Variants in SCLT1 observed in about 807,000 individuals in gnomAD.
The protein encoded by SCLT1 is sodium channel and clathrin linker 1.
In SCLT1, 78 loss-of-function variants were observed where a neutral mutation model predicts 112.8. The observed-to-expected ratio is 0.69, with a 90% CI of 0.58 to 0.83. SCLT1 has a LOEUF of 0.83. Ranked by LOEUF, SCLT1 falls within the 40% of genes least tolerant of loss-of-function variation. The pLI, the probability that SCLT1 is intolerant of heterozygous loss-of-function variation, is 0.00. For missense variants in SCLT1, 747 were observed against 770.4 expected (o/e 0.97, Z 0.36); for synonymous variants, 257 against 254.7 (o/e 1.01, Z -0.09).
intron 5 of SCLT1, among the ~76,000 whole-genome samples, chr4:129,026,985 C>A (rs1277227866): frequency 2.0e-5 from 3 of 152,240 alleles, no homozygotes; most frequent in South Asian, 4.2e-4. Context: ...CATACACCCT[C>A]CCAAGACTAA....
chr4:128,920,032 C>CT (rs1425080908), intron 18 of SCLT1, among the ~76,000 whole-genome samples: 2 of 152,124 alleles, frequency 1.3e-5, no homozygotes, highest in South Asian at 2.1e-4. Flanking sequence ...AGGGACTTCT[C>CT]TTTAACTCAT....
intron 2 of SCLT1, among the ~76,000 whole-genome samples, chr4:129,060,716 TCAC>T (rs1260803541): frequency 1.3e-5 from 2 of 152,304 alleles, no homozygotes; most frequent in East Asian, 3.9e-4. Context: ...ATATTTAATT[TCAC>T]CACAATAGGG....
At position 129,075,282 on chromosome 4, in the gene SCLT1, G is replaced by C. The variant is rs11938587; in HGVS notation, c.102+7024C>G. On this transcript the variant is annotated intron_variant, in intron 2 of 20. Coordinates refer to ENST00000281142, the MANE Select transcript of SCLT1 (RefSeq NM_144643.4). The stretch of plus-strand genomic sequence containing the variant: ...TACAGGTTGGCTAGCATTTTGGGAA[G>C]ATGTTCCTGTACATTTTAAAGGACT... Among the ~76,000 whole-genome samples, 1,208 of 152,242 alleles carry C rather than the reference G, an allele frequency of 7.9e-3. 14 individuals are homozygous for C. The highest frequency in any genetic ancestry group is 0.028 in the African/African-American group (1,158 of 41,554).
chr4:128,918,147 C>T lies in SCLT1; in HGVS notation c.1829+18508G>A, dbSNP rs1007925894. On this transcript the variant is annotated intron_variant, in intron 18 of 20. Transcript: ENST00000281142. ...CAAAGGCAAAGATTCTCTATGGAAGCTTTACAACAAAAATTTTCAATGGCA... is the reference window on the plus strand; with the variant it reads ...CAAAGGCAAAGATTCTCTATGGAAGTTTTACAACAAAAATTTTCAATGGCA... Among the ~76,000 whole-genome samples, 12 of 152,204 alleles carry T rather than the reference C, an allele frequency of 7.9e-5. No individual in the cohort carries two copies. In the South Asian group the frequency reaches 1.5e-3, roughly 18 times the overall value.
chr4:129,051,970 A>G (rs1453437629), intron 2 of SCLT1, among the ~76,000 whole-genome samples: 1 of 152,140 alleles, frequency 6.6e-6, no homozygotes, highest in African/African-American at 2.4e-5. Context: ...TTTTTTTTGC[A>G]TCTATTGAGA....
At chr4:129,059,958 TCTC>T (rs1245812481) in intron 2 of SCLT1, among the ~76,000 whole-genome samples, 3 of 152,164 alleles carry the variant, frequency 2.0e-5, no homozygotes, top group Non-Finnish European at 4.4e-5. Context: ...TCCCTTCTCT[TCTC>T]CTTCTGGAAA....
intron 18 of SCLT1, among the ~76,000 whole-genome samples, chr4:128,906,669 C>T (rs1470559887): frequency 6.6e-6 from 1 of 150,994 alleles, no homozygotes; most frequent in Non-Finnish European, 1.5e-5. Context: ...AATTTCCTCA[C>T]AACATCTATT....
At chr4:129,092,931 GT>G (rs372069914) in intron 1 of SCLT1, 138 bp downstream of exon 1, 971 of 599,672 alleles carry the variant, frequency 1.6e-3, no homozygotes, top group South Asian at 2.1e-3. Flanking sequence ...TAACATCAAG[GT>G]TTTTTTTTTC....
intron 1 of SCLT1, among the ~76,000 whole-genome samples, chr4:129,084,036 A>G (rs2125778309): frequency 6.6e-6 from 1 of 152,348 alleles, no homozygotes; most frequent in Admixed American, 6.5e-5. Flanking sequence ...ACTAGAAGGG[A>G]ACACTGTTAT....
At chr4:128,912,439 A>G (rs149719378) in intron 18 of SCLT1, among the ~76,000 whole-genome samples, 87 of 152,298 alleles carry the variant, frequency 5.7e-4, no homozygotes, top group African/African-American at 2.0e-3. Context: ...CTTGAAAATT[A>G]TAAATCTATT....
chr4:128,882,512 A>C (rs904570503), downstream of SCLT1, among the ~76,000 whole-genome samples: 12 of 152,240 alleles, frequency 7.9e-5, no homozygotes, highest in Non-Finnish European at 1.5e-4. Flanking sequence ...GAGTTCATTC[A>C]ACAAATAAAG....
At chr4:128,925,849 A>AT (rs1736253714) in intron 18 of SCLT1, among the ~76,000 whole-genome samples, 1 of 151,606 alleles carries the variant, frequency 6.6e-6, no homozygotes, top group African/African-American at 2.4e-5. Context: ...TGTTAATCCC[A>AT]TTTTGTGAGT....
At chr4:129,070,301 CTATCTTGGGGAATAG>C (rs1750883750) in intron 2 of SCLT1, among the ~76,000 whole-genome samples, 1 of 151,954 alleles carries the variant, frequency 6.6e-6, no homozygotes, top group South Asian at 2.1e-4. Flanking sequence ...CTTTCTTTCT[CTATCTTGGGGAATAG>C]TATCAAAAGT....
intron 1 of SCLT1, among the ~76,000 whole-genome samples, chr4:129,083,288 T>C (rs116020673): frequency 1.2e-3 from 174 of 150,150 alleles, no homozygotes; most frequent in African/African-American, 4.0e-3. Flanking sequence ...ACATACAACA[T>C]AGTACCCAAC....
At chr4:128,898,813 T>C (rs1178993302) in intron 18 of SCLT1, among the ~76,000 whole-genome samples, 8 of 152,030 alleles carry the variant, frequency 5.3e-5, no homozygotes, top group African/African-American at 9.7e-5. Flanking sequence ...AAGAATCAAA[T>C]AGACGCAATA....
At chr4:128,895,613 C>T (rs10028545) in intron 18 of SCLT1, among the ~76,000 whole-genome samples, 2,395 of 152,254 alleles carry the variant, frequency 0.016, 79 homozygotes, top group African/African-American at 0.055. Context: ...GCATGAGCAA[C>T]GCAGAAGATG....
intron 18 of SCLT1, among the ~76,000 whole-genome samples, chr4:128,927,251 C>T (rs746040006): frequency 1.3e-5 from 2 of 151,790 alleles, no homozygotes; most frequent in Non-Finnish European, 2.9e-5. Flanking sequence ...TGTACTTATA[C>T]ATAACATGTA....
chr4:128,999,805 A>C lies in SCLT1; in HGVS notation c.427-11T>G. On this transcript the variant is annotated splice_polypyrimidine_tract_variant and intron_variant, in intron 6 of 20. Transcript: ENST00000281142. ...AGCCTGAGTTTTTTCCTATTAAAAAAGTTTGATAACTCATTAAATTATCAG... is the reference window on the plus strand; with the variant it reads ...AGCCTGAGTTTTTTCCTATTAAAAACGTTTGATAACTCATTAAATTATCAG... The C allele has an allele frequency of 6.3e-7, 1 of 1,588,168 alleles. No homozygotes were observed. The highest frequency in any genetic ancestry group is 1.2e-5 in the South Asian group (1 of 86,902).
At chr4:128,950,395 G>A (rs765646460) in intron 14 of SCLT1, among the ~76,000 whole-genome samples, 2 of 152,108 alleles carry the variant, frequency 1.3e-5, no homozygotes, top group Non-Finnish European at 2.9e-5. Context: ...AAGGTAAAAT[G>A]AGACAGCAAA....
Sources: gnomAD v4.1 joint callset for allele counts (sites outside exome capture counted in the v4.1 genomes callset) on GRCh38, gnomAD v4.1.1 for gene constraint, MANE v1.5 for transcripts, NCBI Gene and HGNC (gene_info 2026-07-23, HGNC 2026-07-21) for gene names.